Variants in AUNIP observed in about 807,000 individuals in gnomAD.
AUNIP encodes the protein aurora kinase A and ninein interacting protein.
In AUNIP, 16 loss-of-function variants were observed where a neutral mutation model predicts 12.2. That is an observed-to-expected ratio of 1.31 (90% CI 0.88 to 1.99). The LOEUF (loss-of-function observed/expected upper bound fraction) is 1.99, where lower values mean the gene tolerates loss of function less well. AUNIP is among the 30% of genes most tolerant of loss of function. The pLI, the probability that AUNIP is intolerant of heterozygous loss-of-function variation, is 0.00. For missense variants in AUNIP, 411 were observed against 419.1 expected (o/e 0.98, Z 0.17); for synonymous variants, 142 against 154.8 (o/e 0.92, Z 0.61).
At chr1:25,854,733 T>C (rs2048448655) in intron 1 of AUNIP, among the ~76,000 whole-genome samples, 1 of 152,222 alleles carries the variant, frequency 6.6e-6, no homozygotes, top group South Asian at 2.1e-4. Context: ...TCTCACAGTC[T>C]AGTGAGGTTG....
At chr1:25,845,599 C>T (rs773579076) in intron 1 of AUNIP, among the ~76,000 whole-genome samples, 2 of 152,200 alleles carry the variant, frequency 1.3e-5, no homozygotes, top group Non-Finnish European at 2.9e-5. Flanking sequence ...TGTCTGAAAA[C>T]TTATCATCCT....
At position 25,847,201 on chromosome 1, in the gene AUNIP, C is replaced by T. The variant is rs1219345914; in HGVS notation, c.79-9647G>A. Among the ~76,000 whole-genome samples, 1 of 152,166 alleles carries T rather than the reference C, an allele frequency of 6.6e-6. No homozygotes were observed. The highest frequency in any genetic ancestry group is 2.4e-5 in the African/African-American group (1 of 41,450). ...GAAGATGCAAAAGGGCTTTAAAAGA[C>T]ACTGAGAGCTGGTCCAAATAACTGG... On this transcript the variant is annotated intron_variant, in intron 1 of 2. Coordinates refer to ENST00000374298, the MANE Select transcript of AUNIP (RefSeq NM_024037.3). The surrounding 1 kb of genome is among the most constrained non-coding windows in gnomAD (Gnocchi z 4.2).
chr1:25,855,084 G>C (rs2048451751), intron 1 of AUNIP, among the ~76,000 whole-genome samples: 2 of 151,060 alleles, frequency 1.3e-5, no homozygotes, highest in Non-Finnish European at 2.9e-5. Context: ...AGCCTCCTGA[G>C]TAGCTGGGAT....
At chr1:25,843,189 T>A (rs1029802352) in intron 1 of AUNIP, among the ~76,000 whole-genome samples, 8 of 145,648 alleles carry the variant, frequency 5.5e-5, no homozygotes, top group African/African-American at 2.1e-4. Flanking sequence ...AAAAAAAATA[T>A]ATATATATAT....
intron 1 of AUNIP, among the ~76,000 whole-genome samples, chr1:25,843,642 G>A (rs2048361991): frequency 6.7e-6 from 1 of 149,978 alleles, no homozygotes; most frequent in Non-Finnish European, 1.5e-5. Context: ...TGATTCATGG[G>A]AGGAGGTCAA....
At chr1:25,842,321 A>G (rs1406565867) in intron 1 of AUNIP, among the ~76,000 whole-genome samples, 3 of 152,268 alleles carry the variant, frequency 2.0e-5, no homozygotes, top group African/African-American at 7.2e-5. Flanking sequence ...AGCCTAATTC[A>G]GAGAGCAAGG....
intron 1 of AUNIP, among the ~76,000 whole-genome samples, chr1:25,849,648 G>C (rs1304433157): frequency 6.6e-6 from 1 of 152,014 alleles, no homozygotes; most frequent in Non-Finnish European, 1.5e-5. Context: ...TTGTTTGTTT[G>C]TTTGAGACAG....
chr1:25,842,183 A>G (rs2048351579), intron 1 of AUNIP, among the ~76,000 whole-genome samples: 1 of 152,270 alleles, frequency 6.6e-6, no homozygotes, highest in Non-Finnish European at 1.5e-5. Flanking sequence ...AAGTTCTTGA[A>G]GGAAATTATA....
rs925838287 is a variant in AUNIP, at chr1:25,837,690, A to G, written c.79-136T>C. On this transcript the variant is annotated intron_variant, in intron 1 of 2. Transcript: ENST00000374298. Reference sequence around the variant, plus strand: ...TCCACTTATAGCCTATTCTCAAGGTAGTTGGTGCTGGACATCATCTTCCAT... The same window carrying G: ...TCCACTTATAGCCTATTCTCAAGGTGGTTGGTGCTGGACATCATCTTCCAT... 5.8e-6 allele frequency: 5 copies of G among 857,482 alleles called. 1 individual carries two copies. The highest frequency in any genetic ancestry group is 8.4e-6 in the Non-Finnish European group (5 of 595,790). 53.1% of individuals were successfully genotyped at this position (857,482 alleles called of 1,614,324 possible). A position where few individuals can be genotyped will look rare whatever the true frequency, so the allele number is the denominator to read the frequency against.
chr1:25,859,352 C>T lies in AUNIP; in HGVS notation c.6G>A (p.Arg2=), dbSNP rs1325466409. The change falls in exon 1 of 3, where the codon AGG becomes AGA. Residue 2 remains arginine, a synonymous_variant. Coordinates refer to ENST00000374298, the MANE Select transcript of AUNIP (RefSeq NM_024037.3). ...AGGCCTCCTCCTCGGGGCCTGTCCG[C>T]CTCATGGCCGCTGAGGAGACGAAGC... The part of the protein sequence containing the change: M[R]RTGPEEEACG... The T allele has an allele frequency of 3.2e-6, 5 of 1,539,362 alleles. No homozygotes were observed. The highest frequency in any genetic ancestry group is 5.1e-5 in the East Asian group (2 of 39,528).
At chr1:25,844,159 T>G (rs2048366801) in intron 1 of AUNIP, among the ~76,000 whole-genome samples, 2 of 152,150 alleles carry the variant, frequency 1.3e-5, no homozygotes, top group South Asian at 4.1e-4. Context: ...CAGGCTGGAG[T>G]GCAGTGGCGC....
Position 25,859,269 on chromosome 1 carries a change from C to A in AUNIP, c.78+11G>T. Reference sequence around the variant, plus strand: ...TGGTTCCCAACGCCCTCTCATCCCCCAGCGTCCCACCTGCACTTTCCGCCT... The same window carrying A: ...TGGTTCCCAACGCCCTCTCATCCCCAAGCGTCCCACCTGCACTTTCCGCCT... On this transcript the variant is annotated intron_variant, in intron 1 of 2. Transcript: ENST00000374298. 1 of 1,571,722 alleles carries A rather than the reference C, an allele frequency of 6.4e-7. No individual in the cohort carries two copies. The highest frequency in any genetic ancestry group is 8.6e-7 in the Non-Finnish European group (1 of 1,160,188).
intron 1 of AUNIP, among the ~76,000 whole-genome samples, chr1:25,845,141 ATCTCATAAAC>A (rs2048373004): frequency 6.6e-6 from 1 of 152,162 alleles, no homozygotes; most frequent in Non-Finnish European, 1.5e-5. Context: ...TTAGTTTAGG[ATCTCATAAAC>A]TCTTGCCTAG....
At chr1:25,832,204 T>C (rs1020579378), downstream of AUNIP, 2 of 1,520,674 alleles carry the variant, frequency 1.3e-6, no homozygotes, top group African/African-American at 2.7e-5. Context: ...CTTCAAACCC[T>C]AGCAGAAGCT....
intron 1 of AUNIP, among the ~76,000 whole-genome samples, chr1:25,843,224 T>C (rs1389781666): frequency 1.3e-5 from 2 of 149,440 alleles, no homozygotes; most frequent in African/African-American, 4.9e-5. Flanking sequence ...ATTGATAATG[T>C]TCCTAGCCAC....
intron 1 of AUNIP, among the ~76,000 whole-genome samples, chr1:25,845,727 TATGCAGGAAGGA>T (rs2048378932): frequency 6.6e-6 from 1 of 152,238 alleles, no homozygotes; most frequent in African/African-American, 2.4e-5. Context: ...GGAAGGTAGA[TATGCAGGAAGGA>T]TTTCCCGTTT....
At chr1:25,856,551 T>A (rs2048462857) in intron 1 of AUNIP, among the ~76,000 whole-genome samples, 1 of 151,834 alleles carries the variant, frequency 6.6e-6, no homozygotes, top group African/African-American at 2.4e-5. Flanking sequence ...GGTGCATGCC[T>A]GTAATCCCAG....
chr1:25,835,650 A>G lies in AUNIP; in HGVS notation c.417T>C (p.Thr139=), dbSNP rs747236280. ...EAGLSPQSLQ[T]SGHHRMKTPF... ...GGGTTTTCATTCTGTGGTGGCCAGA[A>G]GTCTGGAGGGACTGAGGAGAGAGTC... Residue 139 remains threonine (T), a synonymous_variant, in exon 3 of 3, where the codon ACT becomes ACC. Coordinates refer to ENST00000374298, the MANE Select transcript of AUNIP (RefSeq NM_024037.3). 1 of 1,614,222 alleles carries G rather than the reference A, an allele frequency of 6.2e-7. No homozygotes were observed. The highest frequency in any genetic ancestry group is 8.5e-7 in the Non-Finnish European group (1 of 1,180,040).
chr1:25,837,591 A>G (rs779106800), intron 1 of AUNIP, 37 bp from the exon 2 acceptor site: 6 of 1,590,640 alleles, frequency 3.8e-6, no homozygotes, highest in African/African-American at 2.7e-5. Context: ...TGAGCCTATT[A>G]ATATTAAAAG....
Sources: gnomAD v4.1 joint callset for allele counts (sites outside exome capture counted in the v4.1 genomes callset) on GRCh38, gnomAD v4.1.1 for gene constraint, Gnocchi (gnomAD v3.1) non-coding constraint, MANE v1.5 for transcripts, NCBI Gene and HGNC (gene_info 2026-07-23, HGNC 2026-07-21) for gene names.